The following NELL1 variants were observed in gnomAD, a reference collection of about 807,000 sequenced individuals.
NELL1 encodes the protein neural EGFL like 1.
Under a neutral mutation model 107.4 loss-of-function variants are expected in NELL1, and 76 were observed. That is an observed-to-expected ratio of 0.71 (90% CI 0.59 to 0.86). NELL1 has a LOEUF of 0.86. Ranked by LOEUF, NELL1 falls within the 40% of genes least tolerant of loss-of-function variation. NELL1 has a pLI of 0.00. For synonymous variants in NELL1, 353 were observed against 341.2 expected (o/e 1.03, Z -0.38); for missense variants, 1,024 against 1,005.5 (o/e 1.02, Z -0.25).
At chr11:21,561,107 G>T (rs1390581644) in intron 17 of NELL1, among the ~76,000 whole-genome samples, 2 of 151,998 alleles carry the variant, frequency 1.3e-5, no homozygotes, top group African/African-American at 4.8e-5. Context: ...CTCTACTGTA[G>T]CTCTTGCCTG....
At chr11:20,817,188 T>C (rs1322127331) in intron 3 of NELL1, among the ~76,000 whole-genome samples, 1 of 152,138 alleles carries the variant, frequency 6.6e-6, no homozygotes, top group African/African-American at 2.4e-5. Flanking sequence ...CCTACTCTAG[T>C]TTTTGGAATA....
rs7114554 is a variant in NELL1 at position 21,169,902 on chromosome 11, C to T, written c.1426+56188C>T. ...CCAGCACTGGCAGATGTCCCCAGGT[C>T]GTCCACCGATGCCTTTTATGGCAGG... On this transcript the variant is annotated intron_variant, in intron 13 of 19. Transcript: ENST00000357134. 7.2e-3 allele frequency: 10,408 copies of T among 1,453,308 alleles called. 764 individuals carry two copies. The African/African-American group carries it at 0.12, about 17-fold the overall frequency. The allele number at this position is 1,453,308 out of a possible 1,614,324, so 90.0% of individuals were successfully genotyped here.
intron 2 of NELL1, among the ~76,000 whole-genome samples, chr11:20,706,389 A>T (rs1233273964): frequency 1.3e-5 from 2 of 152,060 alleles, no homozygotes; most frequent in Non-Finnish European, 2.9e-5. Flanking sequence ...GAAGCTGGAA[A>T]CCATCATTCT....
intron 13 of NELL1, among the ~76,000 whole-genome samples, chr11:21,227,025 C>G (rs1857911208): frequency 6.6e-6 from 1 of 152,182 alleles, no homozygotes; most frequent in African/African-American, 2.4e-5. Context: ...AAGATAAGAC[C>G]TGGTAGGGAA....
At chr11:20,819,039 C>T (rs937551392) in intron 3 of NELL1, among the ~76,000 whole-genome samples, 2 of 152,192 alleles carry the variant, frequency 1.3e-5, no homozygotes, top group African/African-American at 2.4e-5. Flanking sequence ...CAGAGTCAAA[C>T]CCAGGTATCT....
chr11:21,329,106 A>G (rs921283088), intron 14 of NELL1, among the ~76,000 whole-genome samples: 2 of 152,164 alleles, frequency 1.3e-5, no homozygotes, highest in Non-Finnish European at 2.9e-5. Context: ...GGGAGGGTCC[A>G]GAAGCAGAAT....
At chr11:21,241,650 A>G (rs1858363169) in intron 14 of NELL1, among the ~76,000 whole-genome samples, 1 of 152,110 alleles carries the variant, frequency 6.6e-6, no homozygotes, top group East Asian at 1.9e-4. Flanking sequence ...TTCTGCCATC[A>G]GATATTGGTG....
intron 15 of NELL1, among the ~76,000 whole-genome samples, chr11:21,494,702 A>G (rs1267001938): frequency 6.6e-6 from 1 of 152,048 alleles, no homozygotes; most frequent in Non-Finnish European, 1.5e-5. Context: ...TAATTTTTAT[A>G]ACTGCAATAA....
intron 3 of NELL1, among the ~76,000 whole-genome samples, chr11:20,801,614 G>A (rs1857283216): frequency 6.6e-6 from 1 of 152,136 alleles, no homozygotes; most frequent in South Asian, 2.1e-4. Flanking sequence ...TACTTTGGTT[G>A]CCTATGCTTG....
chr11:20,944,844 G>C (rs1310089356), intron 10 of NELL1, among the ~76,000 whole-genome samples: 1 of 152,084 alleles, frequency 6.6e-6, no homozygotes, highest in African/African-American at 2.4e-5. Context: ...ATATGTTAAA[G>C]GTTGATTAGA....
At chr11:21,249,549 T>A (rs1858584775) in intron 14 of NELL1, among the ~76,000 whole-genome samples, 1 of 151,940 alleles carries the variant, frequency 6.6e-6, no homozygotes, top group Admixed American at 6.6e-5. Flanking sequence ...TTAAACTGAG[T>A]TTAAAAAAAA....
At chr11:21,336,142 A>G (rs551062289) in intron 14 of NELL1, among the ~76,000 whole-genome samples, 16 of 152,024 alleles carry the variant, frequency 1.1e-4, no homozygotes, top group East Asian at 9.6e-4. Context: ...AAACTTTCTC[A>G]GGCTATGACA....
intron 15 of NELL1, among the ~76,000 whole-genome samples, chr11:21,440,475 T>C (rs11026083): frequency 0.059 from 9,009 of 152,206 alleles, 728 homozygotes; most frequent in African/African-American, 0.18. Context: ...TCTGGGTAAA[T>C]TTATATTCCG....
intron 15 of NELL1, among the ~76,000 whole-genome samples, chr11:21,505,714 C>T: frequency 6.6e-6 from 1 of 152,196 alleles, no homozygotes. Context: ...CCTTAATTCT[C>T]ATCTTTATCT....
chr11:20,928,550 C>T, intron 9 of NELL1, 71 bp downstream of exon 9: 1 of 1,175,926 alleles, frequency 8.5e-7, no homozygotes, highest in Non-Finnish European at 1.3e-6. Context: ...CCCTGTTTTT[C>T]TGGACTCAAC....
intron 15 of NELL1, among the ~76,000 whole-genome samples, chr11:21,374,382 C>G (rs1851420845): frequency 2.6e-5 from 4 of 151,950 alleles, no homozygotes; most frequent in Admixed American, 2.6e-4. Context: ...CAGGAGGCCT[C>G]AGTTTTTCAT....
At chr11:21,486,547 A>G (rs1854637242) in intron 15 of NELL1, among the ~76,000 whole-genome samples, 1 of 152,192 alleles carries the variant, frequency 6.6e-6, no homozygotes, top group Non-Finnish European at 1.5e-5. Context: ...ATGTCAGCAT[A>G]AGGAAACCAA....
At chr11:21,513,889 C>T (rs1249626571) in intron 15 of NELL1, among the ~76,000 whole-genome samples, 1 of 152,126 alleles carries the variant, frequency 6.6e-6, no homozygotes, top group Non-Finnish European at 1.5e-5. Flanking sequence ...AGCCTGAGCC[C>T]CCCTGGTGAG....
chr11:21,343,507 A>G (rs558809683), intron 14 of NELL1, among the ~76,000 whole-genome samples: 1 of 152,068 alleles, frequency 6.6e-6, no homozygotes, highest in South Asian at 2.1e-4. Flanking sequence ...CTGTGATCTG[A>G]TTATCAGGAA....
Sources: allele counts gnomAD v4.1 joint callset (sites outside exome capture counted in the v4.1 genomes callset), GRCh38; gene constraint gnomAD v4.1.1; transcripts MANE v1.5; gene names NCBI Gene and HGNC (gene_info 2026-07-23, HGNC 2026-07-21).